Variants in ZNF274 observed in about 807,000 individuals in gnomAD.
ZNF274 encodes zinc finger protein 274, also known as neurotrophin receptor-interacting factor homolog.
ZNF274 carries 23 observed loss-of-function variants against 42.5 expected under a neutral mutation model. The ratio of observed to expected loss-of-function variants is 0.54; its 90% CI spans 0.39 to 0.77. The LOEUF (loss-of-function observed/expected upper bound fraction) is 0.77. ZNF274 is among the 30% of genes least tolerant of loss of function. The pLI, the probability that ZNF274 is intolerant of heterozygous loss-of-function variation, is 0.00. For synonymous variants in ZNF274, 292 were observed against 305.4 expected (o/e 0.96, Z 0.46); for missense variants, 679 against 806.5 (o/e 0.84, Z 1.91).
intron 4 of ZNF274, among the ~76,000 whole-genome samples, chr19:58,200,422 G>C (rs2075896193): frequency 6.6e-6 from 1 of 152,202 alleles, no homozygotes; most frequent in Non-Finnish European, 1.5e-5. Flanking sequence ...AGATATTTGG[G>C]ATGGTAATGA....
rs2076059203 is a variant in ZNF274, at chr19:58,212,852, T to C, written c.1671T>C (p.His557=). 3 of 1,613,916 alleles carry C rather than the reference T, an allele frequency of 1.9e-6. No individual in the cohort carries two copies. The African/African-American group carries it at 4.0e-5, about 22-fold the overall frequency. Residue 557 remains histidine, a synonymous_variant, in exon 8 of 8, where the codon CAT becomes CAC. Transcript: ENST00000617501. This position sits in a 1 kb window ranked among gnomAD's most constrained non-coding sequence, Gnocchi z 4.6. The part of the protein sequence containing the change: ...SSSLTQHQRV[H]SGERPFECQE... ...CCCTCACACAGCATCAGAGAGTTCA[T>C]TCTGGAGAGAGACCATTTGAATGTC...
chr19:58,206,285 T>C (rs1436772063), intron 4 of ZNF274, among the ~76,000 whole-genome samples: 2 of 152,266 alleles, frequency 1.3e-5, no homozygotes, highest in Admixed American at 1.3e-4. Context: ...TATTTCATTA[T>C]ATGACTAGAT....
Position 58,212,050 on chromosome 19 carries a change from T to C in ZNF274, c.980-111T>C. ...TCTCTCCAGGTTGCATGACTCTATTTGGGAGAAAAAAAAAATCCTGACTTT... is the reference window on the plus strand; with the variant it reads ...TCTCTCCAGGTTGCATGACTCTATTCGGGAGAAAAAAAAAATCCTGACTTT... On this transcript the variant is annotated intron_variant, in intron 7 of 7. Coordinates refer to ENST00000617501, the MANE Select transcript of ZNF274 (RefSeq NM_133502.3). The surrounding 1 kb of genome is among the most constrained non-coding windows in gnomAD (Gnocchi z 4.6). The C allele has an allele frequency of 7.4e-7, 1 of 1,342,876 alleles. No individual in the cohort carries two copies. Among genetic ancestry groups the C allele is most frequent in the Non-Finnish European group, 1.0e-6 (1 of 994,298 alleles). The allele number at this position is 1,342,876 out of a possible 1,614,324, so 83.2% of individuals were successfully genotyped here.
intron 4 of ZNF274, among the ~76,000 whole-genome samples, chr19:58,195,004 AAATAAT>A (rs950825952): frequency 4.7e-5 from 7 of 149,708 alleles, no homozygotes; most frequent in Non-Finnish European, 7.4e-5. Context: ...CCATGTCAAA[AAATAAT>A]AATAATAATA....
chr19:58,187,381 G>A (rs1199146346), intron 4 of ZNF274, among the ~76,000 whole-genome samples: 1 of 152,160 alleles, frequency 6.6e-6, no homozygotes, highest in Non-Finnish European at 1.5e-5. Flanking sequence ...GTGAATGTAT[G>A]TGAATATATA....
chr19:58,202,527 C>T (rs1266039896), intron 4 of ZNF274: 2 of 152,234 alleles, frequency 1.3e-5, no homozygotes, highest in Non-Finnish European at 2.9e-5. Flanking sequence ...GAGGTGACTA[C>T]ATTGCTACGG....
At chr19:58,183,739 C>T in intron 1 of ZNF274, 182 bp from the exon 2 acceptor site, 1 of 528,078 alleles carries the variant, frequency 1.9e-6, no homozygotes, top group South Asian at 2.3e-5. Flanking sequence ...GGTGTCCTCT[C>T]GGGGAGGGGA....
chr19:58,200,456 T>C (rs1005665998), intron 4 of ZNF274, among the ~76,000 whole-genome samples: 5 of 152,048 alleles, frequency 3.3e-5, no homozygotes, highest in African/African-American at 1.2e-4. Flanking sequence ...AAGGAAACAA[T>C]GGGATACATT....
intron 2 of ZNF274, among the ~76,000 whole-genome samples, chr19:58,185,150 G>T (rs934409642): frequency 1.3e-5 from 2 of 150,478 alleles, no homozygotes; most frequent in African/African-American, 4.9e-5. Flanking sequence ...ATAGGGCCGG[G>T]TGCGGTGGCT....
In ZNF274 at chr19:58,208,110, G is replaced by C. The variant is rs934473908; in HGVS notation, c.739+908G>C. On this transcript the variant is annotated intron_variant, in intron 5 of 7. Transcript: ENST00000617501. The surrounding 1 kb of genome is among the most constrained non-coding windows in gnomAD (Gnocchi z 4.5). ...CAAGACTTGGTTTCTTCATCAGGCT[G>C]AGTTTCACAGAGCGTGCATGCTTCT... 1.3e-5 allele frequency: 2 copies of C among 152,270 alleles called. No homozygotes were observed. The highest frequency in any genetic ancestry group is 2.9e-5 in the Non-Finnish European group (2 of 68,082). 9.4% of individuals were successfully genotyped at this position (152,270 alleles called of 1,614,324 possible). A position where few individuals can be genotyped will look rare whatever the true frequency, so the allele number is the denominator to read the frequency against.
intron 4 of ZNF274, among the ~76,000 whole-genome samples, chr19:58,201,881 A>T (rs974180503): frequency 4.6e-5 from 7 of 152,148 alleles, no homozygotes; most frequent in Admixed American, 3.3e-4. Context: ...AAATGATGGT[A>T]CTGTCATTGA....
rs1215918321 is a variant in ZNF274 at position 58,208,907 on chromosome 19, A to C, written c.740-1054A>C. 1 of 152,248 alleles carries C rather than the reference A, an allele frequency of 6.6e-6. No homozygotes were observed. The highest frequency in any genetic ancestry group is 1.5e-5 in the Non-Finnish European group (1 of 68,044). 9.4% of individuals were successfully genotyped at this position (152,248 alleles called of 1,614,324 possible). A position where few individuals can be genotyped will look rare whatever the true frequency, so the allele number is the denominator to read the frequency against. On this transcript the variant is annotated intron_variant, in intron 5 of 7. Transcript: ENST00000617501. This position sits in a 1 kb window ranked among gnomAD's most constrained non-coding sequence, Gnocchi z 4.5. ...ACCTCAGGGGTGAATAAAATAAATT[A>C]GTGCCACAGAAGACAATGGGAAGAG... is the stretch of plus-strand genomic sequence containing the variant.
rs781180126 is a variant in ZNF274, at chr19:58,186,994, G to C, written c.208G>C (p.Glu70Gln). Residue 70 changes from glutamate to glutamine, a missense_variant, in exon 4 of 8, where the codon GAA (glutamate) becomes CAA (glutamine). Glu to Gln is a conservative substitution (Grantham distance 29). Coordinates refer to ENST00000617501, the MANE Select transcript of ZNF274 (RefSeq NM_133502.3). ...TGTGGTATCTCAGTTAGAGGAGGCA[G>C]AAGATTTCTGGCCAGTGGAGAGAGG... ...PDVVSQLEEA[E>Q]DFWPVERGIP... 6.2e-7 allele frequency: 1 copy of C among 1,613,686 alleles called. No individual in the cohort carries two copies. Among genetic ancestry groups the C allele is most frequent in the South Asian group, 1.1e-5 (1 of 90,942 alleles).
Position 58,209,998 on chromosome 19 carries a change from C to T in ZNF274, c.777C>T (p.Cys259=), listed in dbSNP as rs1360925393. 3 of 1,613,648 alleles carry T rather than the reference C, an allele frequency of 1.9e-6. No homozygotes were observed. Among genetic ancestry groups the T allele is most frequent in the Non-Finnish European group, 8.5e-7 (1 of 1,179,772 alleles). Residue 259 remains cysteine, a synonymous_variant, in exon 6 of 8, where the codon TGC becomes TGT. Transcript: ENST00000617501. ...PAGQPAEGTT[C]CLEVTAQQEE... is the part of the protein sequence containing the mutation. ...GACAACCTGCCGAGGGCACCACCTGCTGCCTCGAGGTCACTGCCCAGCAGG... is the reference window on the plus strand; with the variant it reads ...GACAACCTGCCGAGGGCACCACCTGTTGCCTCGAGGTCACTGCCCAGCAGG...
At chr19:58,203,507 G>A (rs984370571) in intron 4 of ZNF274, among the ~76,000 whole-genome samples, 3 of 151,610 alleles carry the variant, frequency 2.0e-5, no homozygotes, top group Non-Finnish European at 4.4e-5. Context: ...GAACCCGGGA[G>A]GCGGAGGTTG....
intron 4 of ZNF274, among the ~76,000 whole-genome samples, chr19:58,191,828 T>TA (rs539837610): frequency 5.9e-5 from 9 of 152,298 alleles, no homozygotes; most frequent in South Asian, 4.1e-4. Context: ...CACAGATACT[T>TA]ATGGAGGGCC....
chr19:58,189,709 G>T (rs2075756034), intron 4 of ZNF274, among the ~76,000 whole-genome samples: 2 of 152,158 alleles, frequency 1.3e-5, no homozygotes, highest in East Asian at 3.8e-4. Flanking sequence ...AGAAAATCTT[G>T]TTGGGATGTG....
rs776873417 is a variant in ZNF274, at chr19:58,212,358, G to T, written c.1177G>T (p.Asp393Tyr). ...LKQMESAQEKDLPQKKHFDNR... is the reference protein window; with the variant it reads ...LKQMESAQEKYLPQKKHFDNR... ...GCAGATGGAGTCTGCTCAGGAAAAA[G>T]ACCTTCCTCAGAAGAAGCACTTTGA... The change falls in exon 8 of 8, where the codon GAC becomes TAC. Residue 393 changes from aspartate to tyrosine, a missense_variant. This residue lies in a region of ZNF274 where 456 missense variants were observed against 590.1 expected (regional missense o/e 0.77). Transcript: ENST00000617501. This position sits in a 1 kb window ranked among gnomAD's most constrained non-coding sequence, Gnocchi z 4.6. The T allele has an allele frequency of 9.3e-6, 15 of 1,613,832 alleles. No individual in the cohort carries two copies. The highest frequency in any genetic ancestry group is 1.6e-4 in the Middle Eastern group (1 of 6,084).
rs2076046599 is a variant in ZNF274, at chr19:58,212,045, C to CT, written c.980-115dup. 1.5e-6 allele frequency: 2 copies of CT among 1,293,684 alleles called. No individual in the cohort carries two copies. 80.1% of individuals were successfully genotyped at this position (1,293,684 alleles called of 1,614,324 possible). ...CAGTCTCTCTCCAGGTTGCATGACTCTATTTGGGAGAAAAAAAAAATCCTG... is the reference window on the plus strand; with the variant it reads ...CAGTCTCTCTCCAGGTTGCATGACTCTTATTTGGGAGAAAAAAAAAATCCTG... On this transcript the variant is annotated intron_variant, in intron 7 of 7. Coordinates refer to ENST00000617501, the MANE Select transcript of ZNF274 (RefSeq NM_133502.3). The surrounding 1 kb of genome is among the most constrained non-coding windows in gnomAD (Gnocchi z 4.6).
Sources: allele counts gnomAD v4.1 joint callset (sites outside exome capture counted in the v4.1 genomes callset), GRCh38; gene constraint gnomAD v4.1.1; regional missense constraint gnomAD v4.1.1; non-coding constraint Gnocchi (gnomAD v3.1); transcripts MANE v1.5; gene names NCBI Gene and HGNC (gene_info 2026-07-23, HGNC 2026-07-21).